The following SLC25A26 variants were observed in gnomAD, a reference collection of about 807,000 sequenced individuals.
The protein encoded by SLC25A26 is mitochondrial S-adenosylmethionine carrier protein.
In SLC25A26, 36 loss-of-function variants were observed where a neutral mutation model predicts 37.8. The ratio of observed to expected loss-of-function variants is 0.95; its 90% CI spans 0.73 to 1.26. The LOEUF (loss-of-function observed/expected upper bound fraction) is 1.26, where lower values mean the gene tolerates loss of function less well. Ranked by LOEUF, SLC25A26 falls within the 50% of genes most tolerant of loss-of-function variation. The probability of loss-of-function intolerance (pLI) is 0.00; values close to 1 mark genes in which losing one functional copy is unlikely to be tolerated. For synonymous variants in SLC25A26, 129 were observed against 122.5 expected (o/e 1.05, Z -0.35); for missense variants, 390 against 331.1 (o/e 1.18, Z -1.38).
At chr3:66,292,935 G>T (rs2074765584) in intron 5 of SLC25A26, among the ~76,000 whole-genome samples, 1 of 151,970 alleles carries the variant, frequency 6.6e-6, no homozygotes, top group African/African-American at 2.4e-5. Flanking sequence ...TCAAACGTAG[G>T]TTTGGTCTTT....
intron 5 of SLC25A26, among the ~76,000 whole-genome samples, chr3:66,311,318 G>A (rs546396523): frequency 3.3e-5 from 5 of 151,988 alleles, no homozygotes; most frequent in East Asian, 1.9e-4. Context: ...CGAAATTCTC[G>A]TGCTGTGTTT....
rs79259170 is a variant in SLC25A26 at position 66,315,273 on chromosome 3, T to G, written c.454-31091T>G. On this transcript the variant is annotated intron_variant, in intron 5 of 9. Transcript: ENST00000354883. ...ATGTAGGCATTTATTGCTATAAATT[T>G]CCCTCATAATGCTGCAAATCTGTGT... Among the ~76,000 whole-genome samples the G allele has an allele frequency of 3.0e-3, 458 of 152,300 alleles. 3 individuals are homozygous for G. The highest frequency in any genetic ancestry group is 0.016 in the East Asian group (84 of 5,182).
chr3:66,143,391 A>C (rs1386124343), intron 1 of SLC25A26, among the ~76,000 whole-genome samples: 1 of 152,196 alleles, frequency 6.6e-6, no homozygotes, highest in Admixed American at 6.5e-5. Flanking sequence ...AATTCTGTTG[A>C]ACTTAACAAA....
chr3:66,275,621 T>C (rs969185828), intron 5 of SLC25A26, among the ~76,000 whole-genome samples: 1 of 152,104 alleles, frequency 6.6e-6, no homozygotes, highest in Non-Finnish European at 1.5e-5. Flanking sequence ...GATCTCCAGA[T>C]ACATTTAGCA....
intron 1 of SLC25A26, among the ~76,000 whole-genome samples, chr3:66,180,005 G>A (rs1035693091): frequency 8.0e-5 from 12 of 149,456 alleles, no homozygotes; most frequent in African/African-American, 2.4e-4. Context: ...ATCATGTGCC[G>A]CCAGGAATAG....
In SLC25A26 at chr3:66,369,443, G is replaced by C. The variant is rs746863887; in HGVS notation, c.569-35G>C. ...AAATTACAAAATTATACAGTAAACA[G>C]GATCTCACTTGGGTGTTGGGTATTA... On this transcript the variant is annotated intron_variant, in intron 7 of 9. Coordinates refer to ENST00000354883, the MANE Select transcript of SLC25A26 (RefSeq NM_001379210.1). 11 of 1,566,064 alleles carry C rather than the reference G, an allele frequency of 7.0e-6. No individual in the cohort carries two copies. The Admixed American group carries it at 1.8e-4, about 26-fold the overall frequency.
chr3:66,366,923 G>A (rs1368429158), intron 7 of SLC25A26, among the ~76,000 whole-genome samples: 4 of 152,204 alleles, frequency 2.6e-5, no homozygotes, highest in Non-Finnish European at 5.9e-5. Context: ...CTATGCAAAT[G>A]AGATCAAATA....
chr3:66,376,966 T>C (rs1411630944), intron 9 of SLC25A26, among the ~76,000 whole-genome samples: 3 of 152,220 alleles, frequency 2.0e-5, no homozygotes, highest in Non-Finnish European at 4.4e-5. Context: ...TACATAATCA[T>C]CCACTGTATG....
chr3:66,370,646 T>C, intron 9 of SLC25A26, 44 bp downstream of exon 9: 1 of 1,503,320 alleles, frequency 6.7e-7, no homozygotes, highest in Non-Finnish European at 9.2e-7. Flanking sequence ...TCTCCACCAC[T>C]CCTCCTCCTT....
chr3:66,377,594 T>G, intron 9 of SLC25A26, 96 bp from the exon 10 acceptor site: 1 of 900,362 alleles, frequency 1.1e-6, no homozygotes, highest in Non-Finnish European at 1.8e-6. Context: ...TAGCCACTAA[T>G]GAGCATGGTG....
chr3:66,352,458 T>C (rs1431474112), intron 6 of SLC25A26, among the ~76,000 whole-genome samples: 1 of 149,364 alleles, frequency 6.7e-6, no homozygotes, highest in Non-Finnish European at 1.5e-5. Flanking sequence ...TTTTTTGAGA[T>C]GTACCAAGGC....
At chr3:66,284,526 A>G (rs1006361601) in intron 5 of SLC25A26, among the ~76,000 whole-genome samples, 6 of 152,230 alleles carry the variant, frequency 3.9e-5, no homozygotes, top group African/African-American at 1.4e-4. Flanking sequence ...ATGCAACAAT[A>G]TGCATATCAA....
rs1045345171 is a variant in SLC25A26, at chr3:66,375,958, T to C, written c.708-1732T>C. On this transcript the variant is annotated intron_variant, in intron 9 of 9. Coordinates refer to ENST00000354883, the MANE Select transcript of SLC25A26 (RefSeq NM_001379210.1). ...CCATTCTAGATACCAGTAAGAACAT[T>C]AGTGGCTTCATAGGAGGTCAAAATA... is the stretch of plus-strand genomic sequence containing the variant. 1.2e-4 allele frequency among the ~76,000 whole-genome samples: 18 copies of C among 151,428 alleles called. 1 individual carries two copies. Among genetic ancestry groups the C allele is most frequent in the Middle Eastern group, 6.8e-3 (2 of 292 alleles).
At chr3:66,274,405 C>A (rs1008621511) in intron 5 of SLC25A26, among the ~76,000 whole-genome samples, 2 of 151,638 alleles carry the variant, frequency 1.3e-5, no homozygotes, top group Non-Finnish European at 3.0e-5. Flanking sequence ...CAAATGGGAT[C>A]TAATTAAACT....
chr3:66,354,989 A>C (rs942308199), intron 6 of SLC25A26, among the ~76,000 whole-genome samples: 1 of 152,168 alleles, frequency 6.6e-6, no homozygotes, highest in Non-Finnish European at 1.5e-5. Flanking sequence ...AGTCTTGAGT[A>C]TGTCTTCATC....
At position 66,321,022 on chromosome 3, in the gene SLC25A26, G is replaced by A. The variant is rs979362205; in HGVS notation, c.454-25342G>A. Among the ~76,000 whole-genome samples, 3 of 152,184 alleles carry A rather than the reference G, an allele frequency of 2.0e-5. No homozygotes were observed. The East Asian group carries it at 5.8e-4, about 29-fold the overall frequency. On this transcript the variant is annotated intron_variant, in intron 5 of 9. Coordinates refer to ENST00000354883, the MANE Select transcript of SLC25A26 (RefSeq NM_001379210.1). The stretch of plus-strand genomic sequence containing the variant: ...TGTATGGCCTTTGGAAGGTGAATTA[G>A]GTCATGGGGGTGGAGGCCCCATGAT...
At chr3:66,291,186 C>T (rs1168341062) in intron 5 of SLC25A26, among the ~76,000 whole-genome samples, 2 of 152,030 alleles carry the variant, frequency 1.3e-5, no homozygotes, top group Admixed American at 1.3e-4. Flanking sequence ...TTTATTGTGT[C>T]TGTTTGATTC....
chr3:66,260,212 A>G (rs898548426), intron 3 of SLC25A26, among the ~76,000 whole-genome samples: 4 of 151,690 alleles, frequency 2.6e-5, no homozygotes, highest in Non-Finnish European at 5.9e-5. Flanking sequence ...CCTTTTGGCC[A>G]TGTTTTATTG....
intron 1 of SLC25A26, among the ~76,000 whole-genome samples, chr3:66,222,975 G>C (rs2071571192): frequency 6.6e-6 from 1 of 152,136 alleles, no homozygotes; most frequent in Admixed American, 6.5e-5. Context: ...TTTCATTCCA[G>C]GTAAAGGAAA....
Sources: gnomAD v4.1 joint callset for allele counts (sites outside exome capture counted in the v4.1 genomes callset) on GRCh38, gnomAD v4.1.1 for gene constraint, MANE v1.5 for transcripts, NCBI Gene and HGNC (gene_info 2026-07-23, HGNC 2026-07-21) for gene names.